PRPH2: variants seen among roughly 807,000 people sequenced by gnomAD.
PRPH2 encodes the protein peripherin 2.
PRPH2 carries 17 observed loss-of-function variants against 31.3 expected under a neutral mutation model. The observed-to-expected ratio is 0.54, with a 90% CI of 0.37 to 0.81. The LOEUF is 0.81. Among genes scored for constraint, PRPH2 ranks in the 40% least tolerant of loss-of-function variants. The pLI is 0.00. For missense variants in PRPH2, 430 were observed against 439.7 expected, an observed-to-expected ratio of 0.98 and a Z score of 0.20; for synonymous variants, 165 against 184.4, an observed-to-expected ratio of 0.89 and a Z score of 0.85.
intron 1 of PRPH2, among the ~76,000 whole-genome samples, chr6:42,705,958 CAA>C (rs36068676): frequency 6.7e-5 from 9 of 134,368 alleles, no homozygotes; most frequent in East Asian, 2.2e-4. Context: ...GACCCCGTCT[CAA>C]AAAAAAAAAA....
intron 1 of PRPH2, among the ~76,000 whole-genome samples, chr6:42,714,525 C>CT (rs995750163): frequency 7.9e-5 from 12 of 151,894 alleles, no homozygotes; most frequent in African/African-American, 2.7e-4. Context: ...GCTGTTTTTT[C>CT]TTTTTGTTTG....
At chr6:42,705,240 T>C (rs1008096260) in intron 1 of PRPH2, among the ~76,000 whole-genome samples, 16 of 152,206 alleles carry the variant, frequency 1.1e-4, no homozygotes, top group African/African-American at 3.9e-4. Flanking sequence ...GCATATCTTC[T>C]GCACTTCTAT....
At chr6:42,721,595 A>G (rs1272214782) in intron 1 of PRPH2, among the ~76,000 whole-genome samples, 159 bp downstream of exon 1, 1 of 152,222 alleles carries the variant, frequency 6.6e-6, no homozygotes, top group Non-Finnish European at 1.5e-5. Flanking sequence ...GCAATTTCAT[A>G]TGGTTCCACC....
At chr6:42,704,752 G>T in intron 1 of PRPH2, 141 bp from the exon 2 acceptor site, 1 of 1,292,796 alleles carries the variant, frequency 7.7e-7, no homozygotes, top group Non-Finnish European at 1.1e-6. Context: ...CCCGCTACGT[G>T]CCAGTCACTG....
chr6:42,706,044 G>A (rs893746718), intron 1 of PRPH2, among the ~76,000 whole-genome samples: 3 of 151,972 alleles, frequency 2.0e-5, no homozygotes, highest in Non-Finnish European at 2.9e-5. Context: ...GCCCAGGTGG[G>A]CAGACGACCT....
chr6:42,720,704 G>A (rs1321911946), intron 1 of PRPH2, among the ~76,000 whole-genome samples: 5 of 151,820 alleles, frequency 3.3e-5, no homozygotes, highest in African/African-American at 9.7e-5. Context: ...GCCTCACTGG[G>A]AAGAAAAAAA....
intron 1 of PRPH2, among the ~76,000 whole-genome samples, chr6:42,715,635 C>A (rs1010574884): frequency 4.7e-4 from 72 of 152,186 alleles, no homozygotes; most frequent in Non-Finnish European, 9.3e-4. Context: ...CGTGCCACTG[C>A]ACTTCAGCCT....
rs61755783 is a variant in PRPH2, at chr6:42,721,911, G to A, written c.424C>T (p.Arg142Trp). 13 of 1,614,030 alleles carry A rather than the reference G, an allele frequency of 8.1e-6. No individual in the cohort carries two copies. Among genetic ancestry groups the A allele is most frequent in the Admixed American group, 5.0e-5 (3 of 60,000 alleles). ...CACCTGCCAGGGGTGTCTGTGTCCC[G>A]GTAGTACTTCATGCCGTTCTTGAGC... ...QGLKNGMKYY[R>W]DTDTPGRCFM... The change falls in exon 1 of 3, where the codon CGG becomes TGG. Residue 142 changes from arginine to tryptophan, a missense_variant. Arg to Trp is a moderately radical substitution (Grantham distance 101). Transcript: ENST00000230381.
At chr6:42,708,680 T>C (rs993079253) in intron 1 of PRPH2, among the ~76,000 whole-genome samples, 2 of 152,194 alleles carry the variant, frequency 1.3e-5, no homozygotes, top group Non-Finnish European at 2.9e-5. Flanking sequence ...CCCTGGAGCC[T>C]TCCCCTCAGT....
At chr6:42,711,219 T>A (rs1761632190) in intron 1 of PRPH2, among the ~76,000 whole-genome samples, 1 of 152,138 alleles carries the variant, frequency 6.6e-6, no homozygotes, top group Admixed American at 6.5e-5. Context: ...AGGAAAAGGA[T>A]GAAATCGGGC....
At chr6:42,711,401 A>C (rs1016397271) in intron 1 of PRPH2, among the ~76,000 whole-genome samples, 1 of 152,348 alleles carries the variant, frequency 6.6e-6, no homozygotes, top group Middle Eastern at 3.4e-3. Flanking sequence ...GAGGGGTGAC[A>C]TGAGGAGGAG....
At position 42,707,496 on chromosome 6, in the gene PRPH2, G is replaced by A. The variant is rs146778892; in HGVS notation, c.582-2885C>T. Among the ~76,000 whole-genome samples, 79 of 152,182 alleles carry A rather than the reference G, an allele frequency of 5.2e-4. 1 individual carries two copies. The East Asian group carries it at 8.5e-3, about 16-fold the overall frequency. On this transcript the variant is annotated intron_variant, in intron 1 of 2. Coordinates refer to ENST00000230381, the MANE Select transcript of PRPH2 (RefSeq NM_000322.5). ...CTGCTGGGGGCTGAGGTGGGGGCGC[G>A]GTTCACAAAGCCCAACCAGCCATGC...
intron 1 of PRPH2, among the ~76,000 whole-genome samples, chr6:42,714,427 G>C (rs1199666691): frequency 6.6e-6 from 1 of 152,178 alleles, no homozygotes; most frequent in Non-Finnish European, 1.5e-5. Context: ...TGTAATGCTG[G>C]TTGTCCGACT....
intron 1 of PRPH2, among the ~76,000 whole-genome samples, chr6:42,710,262 G>A (rs1476198346): frequency 6.6e-6 from 1 of 151,922 alleles, no homozygotes; most frequent in Non-Finnish European, 1.5e-5. Flanking sequence ...CCCTGAAGAT[G>A]GGGCTGTCTC....
At chr6:42,698,876 G>A (rs665442) in intron 2 of PRPH2, among the ~76,000 whole-genome samples, 1 of 151,976 alleles carries the variant, frequency 6.6e-6, no homozygotes, top group Non-Finnish European at 1.5e-5. Flanking sequence ...TGAGCTCCCC[G>A]GCAGCTCATC....
rs755239769 is a variant in PRPH2 at position 42,722,149 on chromosome 6, G to A, written c.186C>T (p.Asn62=). Residue 62 remains asparagine (N), a synonymous_variant, in exon 1 of 3, where the codon AAC becomes AAT. Coordinates refer to ENST00000230381, the MANE Select transcript of PRPH2 (RefSeq NM_000322.5). This position sits in a 1 kb window ranked among gnomAD's most constrained non-coding sequence, Gnocchi z 4.4. ...MNNSESHFVP[N]SLIGMGVLSC... ...ATAGCACCCCCATCCCTATCAATGAGTTGGGCACAAAATGGCTCTCAGAAT... is the reference window on the plus strand; with the variant it reads ...ATAGCACCCCCATCCCTATCAATGAATTGGGCACAAAATGGCTCTCAGAAT... The A allele has an allele frequency of 1.2e-6, 2 of 1,614,056 alleles. No individual in the cohort carries two copies. The highest frequency in any genetic ancestry group is 1.7e-5 in the Admixed American group (1 of 60,000).
intron 1 of PRPH2, among the ~76,000 whole-genome samples, chr6:42,717,397 C>T (rs1198122250): frequency 6.6e-6 from 1 of 151,804 alleles, no homozygotes; most frequent in Non-Finnish European, 1.5e-5. Flanking sequence ...CCAGCCTGGG[C>T]AACAAATACA....
chr6:42,708,882 A>G (rs1174850013), intron 1 of PRPH2, among the ~76,000 whole-genome samples: 1 of 152,210 alleles, frequency 6.6e-6, no homozygotes, highest in Non-Finnish European at 1.5e-5. Flanking sequence ...CGAGTCACGC[A>G]TTTGACACAG....
chr6:42,717,579 C>T (rs1761812006), intron 1 of PRPH2, among the ~76,000 whole-genome samples: 2 of 152,114 alleles, frequency 1.3e-5, no homozygotes, highest in Admixed American at 6.5e-5. Flanking sequence ...ATATAACTTA[C>T]ATTTTTCAGG....
Sources: gnomAD v4.1 joint callset for allele counts (sites outside exome capture counted in the v4.1 genomes callset) on GRCh38, gnomAD v4.1.1 for gene constraint, Gnocchi (gnomAD v3.1) non-coding constraint, MANE v1.5 for transcripts, NCBI Gene and HGNC (gene_info 2026-07-23, HGNC 2026-07-21) for gene names.